The following CORO1B variants were observed in gnomAD, a reference collection of about 807,000 sequenced individuals.
CORO1B encodes coronin-1B.
In CORO1B, 30 loss-of-function variants were observed where a neutral mutation model predicts 51.1. That is an observed-to-expected ratio of 0.59 (90% confidence interval 0.44 to 0.80). CORO1B has a LOEUF of 0.80. Ranked by LOEUF, CORO1B falls within the 30% of genes least tolerant of loss-of-function variation. CORO1B has a pLI of 0.00. For synonymous variants in CORO1B, 310 were observed against 289.7 expected, an observed-to-expected ratio of 1.07 and a Z score of -0.71; for missense variants, 648 against 700.4, an observed-to-expected ratio of 0.93 and a Z score of 0.84.
In CORO1B at chr11:67,435,775, GGCGCTGTCATCCCAGGCT is replaced by G. The variant is rs904733259; in HGVS notation, c.*2583_*2600del. On this transcript the variant is annotated 3_prime_UTR_variant, in exon 11 of 11. Transcript: ENST00000341356. Reference sequence around the variant, plus strand: ...GGAGGCCCTGGCCCCCAGCTGCCCTGGCGCTGTCATCCCAGGCTGCGCTGCCAGCAAAGGCGTGCAGGT... The same window carrying G: ...GGAGGCCCTGGCCCCCAGCTGCCCTGGCGCTGCCAGCAAAGGCGTGCAGGT... 1 of 1,573,318 alleles carries G rather than the reference GGCGCTGTCATCCCAGGCT, an allele frequency of 6.4e-7. No individual in the cohort carries two copies. The highest frequency in any genetic ancestry group is 8.6e-7 in the Non-Finnish European group (1 of 1,160,052).
chr11:67,439,013 C>T (rs1565152488), intron 9 of CORO1B, 64 bp from the exon 10 acceptor site: 1 of 1,498,814 alleles, frequency 6.7e-7, no homozygotes, highest in Non-Finnish European at 9.0e-7. Context: ...CCTCATCCCT[C>T]CCCTGGCCTC....
rs1335589619 is a variant in CORO1B at position 67,438,717 on chromosome 11, G to A, written c.1298C>T (p.Thr433Ile). The A allele has an allele frequency of 6.4e-7, 1 of 1,558,788 alleles. No homozygotes were observed. The highest frequency in any genetic ancestry group is 1.2e-5 in the South Asian group (1 of 86,102). ...GCTGGGGGTGGCATCAGCAGCAGTG[G>A]TGGTGGAGGCGGGGGCCCCTAGGTG... ...SSHLGAPAST[T>I]TAADATPSGS... The change falls in exon 10 of 11, where the codon ACC becomes ATC. Residue 433 changes from threonine to isoleucine, a missense_variant. By Grantham distance (89) the Thr-to-Ile change is moderately conservative. Coordinates refer to ENST00000341356, the MANE Select transcript of CORO1B (RefSeq NM_020441.3).
upstream of CORO1B, chr11:67,443,484 GA>G (rs1864437351): frequency 1.0e-6 from 1 of 985,432 alleles, no homozygotes; most frequent in Non-Finnish European, 1.2e-6. Flanking sequence ...CAGGAAGCAG[GA>G]TTCAGGAAGT....
intron 4 of CORO1B, 62 bp from the exon 5 acceptor site, chr11:67,441,576 G>C: frequency 1.3e-6 from 2 of 1,573,116 alleles, no homozygotes; most frequent in Middle Eastern, 3.3e-4. Context: ...AGCTCACCAG[G>C]CTGAGGCCCA....
In CORO1B at chr11:67,438,227, G is replaced by C. The variant is rs981182624; in HGVS notation, c.*149C>G. The C allele has an allele frequency of 1.5e-5, 15 of 997,650 alleles. No homozygotes were observed. The African/African-American group carries it at 2.4e-4, about 16-fold the overall frequency. 61.8% of individuals were successfully genotyped at this position (997,650 alleles called of 1,614,324 possible). ...GTGAGGAAAGCTGGGCGCTGGCTTC[G>C]GCCTGGGCCTGGGACGGGTGGGGGT... On this transcript the variant is annotated 3_prime_UTR_variant, in exon 11 of 11. Coordinates refer to ENST00000341356, the MANE Select transcript of CORO1B (RefSeq NM_020441.3).
At chr11:67,443,502 G>A (rs944100427), upstream of CORO1B, 9 of 982,334 alleles carry the variant, frequency 9.2e-6, no homozygotes, top group African/African-American at 1.7e-5. Flanking sequence ...AAGTGACAGA[G>A]GGACCCGGAG....
In CORO1B at chr11:67,435,633, G is replaced by A. The variant is rs1235459271; in HGVS notation, c.*2743C>T. On this transcript the variant is annotated 3_prime_UTR_variant, in exon 11 of 11. Coordinates refer to ENST00000341356, the MANE Select transcript of CORO1B (RefSeq NM_020441.3). ...GGTAGGGGGTGACAGTCTGAGGCAT[G>A]GTCATGTGGGCTGGGGGTCCAGTCC... 9 of 1,473,446 alleles carry A rather than the reference G, an allele frequency of 6.1e-6. No homozygotes were observed. Among genetic ancestry groups the A allele is most frequent in the Non-Finnish European group, 8.1e-6 (9 of 1,113,682 alleles). 91.3% of individuals were successfully genotyped at this position (1,473,446 alleles called of 1,614,324 possible). A position where few individuals can be genotyped will look rare whatever the true frequency, so the allele number is the denominator to read the frequency against.
chr11:67,436,114 G>A lies in CORO1B; in HGVS notation c.*2262C>T. ...GACCTGGGGGGCTGGCCCAGAGCAG[G>A]CGCCGCGTGCGGCCCCACAGCGCGG... is the stretch of plus-strand genomic sequence containing the variant. On this transcript the variant is annotated 3_prime_UTR_variant, in exon 11 of 11. Coordinates refer to ENST00000341356, the MANE Select transcript of CORO1B (RefSeq NM_020441.3). 1 of 1,598,652 alleles carries A rather than the reference G, an allele frequency of 6.3e-7. No individual in the cohort carries two copies. The highest frequency in any genetic ancestry group is 8.5e-7 in the Non-Finnish European group (1 of 1,172,690).
At chr11:67,442,178 G>A (rs963239544) in intron 2 of CORO1B, 90 bp from the exon 3 acceptor site, 8 of 1,564,066 alleles carry the variant, frequency 5.1e-6, no homozygotes, top group Middle Eastern at 2.1e-4. Context: ...TGCACGTCCC[G>A]GCTCACAGGT....
chr11:67,443,422 AG>A lies in CORO1B; in HGVS notation c.-22del, dbSNP rs1418545707. 4.1e-6 allele frequency: 4 copies of A among 981,876 alleles called. No homozygotes were observed. The highest frequency in any genetic ancestry group is 4.7e-5 in the South Asian group (1 of 21,270). The allele number at this position is 981,876 out of a possible 1,614,324, so 60.8% of individuals were successfully genotyped here. On this transcript the variant is annotated 5_prime_UTR_variant, in exon 1 of 11. Coordinates refer to ENST00000341356, the MANE Select transcript of CORO1B (RefSeq NM_020441.3). ...CGCTCACCGGGGGCACCGGGGGCGC[AG>A]GGGGCTGCGGCACCGGCTTCGGGCG...
Position 67,440,330 on chromosome 11 carries a change from C to T in CORO1B, c.861+5G>A. 6.2e-7 allele frequency: 1 copy of T among 1,613,506 alleles called. No individual in the cohort carries two copies. Among genetic ancestry groups the T allele is most frequent in the Non-Finnish European group, 8.5e-7 (1 of 1,179,780 alleles). ...CTGCCCCTCGCCAGCCCTGCCCAGC[C>T]CCACCTTGCCGCAGACGTAGACCAC... On this transcript the variant is annotated splice_donor_5th_base_variant and intron_variant, in intron 7 of 10. Coordinates refer to ENST00000341356, the MANE Select transcript of CORO1B (RefSeq NM_020441.3).
At chr11:67,442,402 C>A (rs1263011622) in intron 2 of CORO1B, 26 bp downstream of exon 2, 11 of 1,609,422 alleles carry the variant, frequency 6.8e-6, no homozygotes, top group Non-Finnish European at 9.3e-6. Flanking sequence ...GGTGCCTCCT[C>A]TTCCCCCAAC....
At chr11:67,443,747 C>A (rs967944631), upstream of CORO1B, 4 of 985,180 alleles carry the variant, frequency 4.1e-6, no homozygotes, top group South Asian at 1.4e-4. Context: ...GCGGGTGCAG[C>A]CTTACAGCGG....
At position 67,439,809 on chromosome 11, in the gene CORO1B, T is replaced by A; in HGVS notation, c.1042A>T (p.Ile348Phe). 1 of 1,590,678 alleles carries A rather than the reference T, an allele frequency of 6.3e-7. No individual in the cohort carries two copies. Among genetic ancestry groups the A allele is most frequent in the South Asian group, 1.1e-5 (1 of 87,284 alleles). The change falls in exon 9 of 11, where the codon ATC becomes TTC. Residue 348 changes from isoleucine to phenylalanine, a missense_variant. Transcript: ENST00000341356. Reference protein sequence around the residue: ...YKLHERKCEPIVMTVPRKSDL... With the variant: ...YKLHERKCEPFVMTVPRKSDL... Reference sequence around the variant, plus strand: ...ACCTTTCTTGGCACAGTCATGACGATGGGCTCACACTTGCGCTCATGCAGT... The same window carrying A: ...ACCTTTCTTGGCACAGTCATGACGAAGGGCTCACACTTGCGCTCATGCAGT...
chr11:67,439,175 A>T (rs1258035610), intron 9 of CORO1B, among the ~76,000 whole-genome samples: 1 of 152,222 alleles, frequency 6.6e-6, no homozygotes, highest in Non-Finnish European at 1.5e-5. Context: ...TGCAAGGCAC[A>T]GGGGCCACTA....
At position 67,435,595 on chromosome 11, in the gene CORO1B, G is replaced by T; in HGVS notation, c.*2781C>A. Reference sequence around the variant, plus strand: ...TTCCCGTGGTGAGCGGGGTACACATGGACTTGGGAACTGGTAGGGGGTGAC... The same window carrying T: ...TTCCCGTGGTGAGCGGGGTACACATTGACTTGGGAACTGGTAGGGGGTGAC... On this transcript the variant is annotated 3_prime_UTR_variant, in exon 11 of 11. Coordinates refer to ENST00000341356, the MANE Select transcript of CORO1B (RefSeq NM_020441.3). 2 of 1,329,050 alleles carry T rather than the reference G, an allele frequency of 1.5e-6. No individual in the cohort carries two copies. Among genetic ancestry groups the T allele is most frequent in the Non-Finnish European group, 2.0e-6 (2 of 991,568 alleles). The allele number at this position is 1,329,050 out of a possible 1,614,324, so 82.3% of individuals were successfully genotyped here.
In CORO1B at chr11:67,441,748, C is replaced by T. The variant is rs1020357148; in HGVS notation, c.439G>A (p.Val147Met). 14 of 1,611,202 alleles carry T rather than the reference C, an allele frequency of 8.7e-6. No individual in the cohort carries two copies. Among genetic ancestry groups the T allele is most frequent in the South Asian group, 2.2e-5 (2 of 91,030 alleles). ...CGGTGCAGACCTGCACTGAGCAGCA[C>T]GTTTCGGGCCGTGGGGTGCCAGGCG... is the stretch of plus-strand genomic sequence containing the variant. ...IIAWHPTARNVLLSAGCDNVV... is the reference protein window; with the variant it reads ...IIAWHPTARNMLLSAGCDNVV... The change falls in exon 4 of 11, where the codon GTG becomes ATG. Residue 147 changes from valine to methionine, a missense_variant. Val to Met is a conservative substitution (Grantham distance 21). Transcript: ENST00000341356.
chr11:67,438,391 C>T lies in CORO1B; in HGVS notation c.1455G>A (p.Glu485=). ...CRLEEQLGRM[E]NGDA ...GGCTGTGGCCCTACGCATCCCCGTT[C>T]TCCATGCGGCCCAGCTGCTCCTCCA... The change falls in exon 11 of 11, where the codon GAG becomes GAA. Residue 485 remains glutamate (E), a synonymous_variant. Transcript: ENST00000341356. 6.2e-7 allele frequency: 1 copy of T among 1,606,786 alleles called. No homozygotes were observed.
At position 67,437,842 on chromosome 11, in the gene CORO1B, A is replaced by G; in HGVS notation, c.*534T>C. The stretch of plus-strand genomic sequence containing the variant: ...TGCCGGGCCTGTCCTCCAAGGAAGA[A>G]GCAGCACCAACTTGAAGCTGGATGC... On this transcript the variant is annotated 3_prime_UTR_variant, in exon 11 of 11. Transcript: ENST00000341356. 1 of 406,936 alleles carries G rather than the reference A, an allele frequency of 2.5e-6. No individual in the cohort carries two copies. The highest frequency in any genetic ancestry group is 4.3e-6 in the Non-Finnish European group (1 of 233,608). The allele number at this position is 406,936 out of a possible 1,614,324, so 25.2% of individuals were successfully genotyped here. A position where few individuals can be genotyped will look rare whatever the true frequency, so the allele number is the denominator to read the frequency against.
Sources: gnomAD v4.1 joint callset for allele counts (sites outside exome capture counted in the v4.1 genomes callset) on GRCh38, gnomAD v4.1.1 for gene constraint, MANE v1.5 for transcripts, NCBI Gene and HGNC (gene_info 2026-07-23, HGNC 2026-07-21) for gene names.